The following IDE variants were observed in gnomAD, a reference collection of about 807,000 sequenced individuals.
IDE encodes insulin-degrading enzyme.
Under a neutral mutation model 133.2 loss-of-function variants are expected in IDE, and 58 were observed. The observed-to-expected ratio is 0.44, with a 90% CI of 0.35 to 0.54. The LOEUF is 0.54. Among genes scored for constraint, IDE ranks in the 20% least tolerant of loss-of-function variants. The probability of loss-of-function intolerance (pLI) is 0.00; values close to 1 mark genes in which losing one functional copy is unlikely to be tolerated. For missense variants in IDE, 981 were observed against 1,234.0 expected (o/e 0.79, Z 3.07); for synonymous variants, 396 against 421.3 (o/e 0.94, Z 0.73).
At chr10:92,526,152 C>CAAA (rs748661052) in intron 4 of IDE, among the ~76,000 whole-genome samples, 8 of 82,748 alleles carry the variant, frequency 9.7e-5, no homozygotes, top group African/African-American at 3.1e-4. Flanking sequence ...GACTCCGTCT[C>CAAA]AAAAAAAAAA....
intron 12 of IDE, among the ~76,000 whole-genome samples, chr10:92,488,633 C>T (rs182046855): frequency 2.0e-5 from 3 of 151,920 alleles, no homozygotes; most frequent in South Asian, 2.1e-4. Flanking sequence ...AAAAATTAGC[C>T]GGGTATGGTG....
At chr10:92,499,143 TAA>T (rs1177818573) in intron 11 of IDE, among the ~76,000 whole-genome samples, 1 of 152,176 alleles carries the variant, frequency 6.6e-6, no homozygotes, top group East Asian at 1.9e-4. Context: ...ATGTATCACT[TAA>T]GAGCGGTTTT....
intron 14 of IDE, among the ~76,000 whole-genome samples, chr10:92,481,113 C>T (rs1425325723): frequency 2.0e-5 from 3 of 152,126 alleles, no homozygotes; most frequent in Non-Finnish European, 2.9e-5. Context: ...ACTTAAGGCA[C>T]AATTCACAAA....
intron 1 of IDE, among the ~76,000 whole-genome samples, chr10:92,538,552 G>A (rs1270954774): frequency 6.6e-6 from 1 of 152,206 alleles, no homozygotes; most frequent in Non-Finnish European, 1.5e-5. Context: ...AATCTTAACA[G>A]AAATGTCAGA....
intron 1 of IDE, among the ~76,000 whole-genome samples, chr10:92,573,382 T>C (rs1191625930): frequency 1.3e-5 from 2 of 152,160 alleles, no homozygotes; most frequent in African/African-American, 4.8e-5. Context: ...CCCACACTCG[T>C]CTTCCAAGGC....
chr10:92,495,631 G>A (rs1045938627), intron 11 of IDE, among the ~76,000 whole-genome samples: 1 of 152,068 alleles, frequency 6.6e-6, no homozygotes, highest in Non-Finnish European at 1.5e-5. Flanking sequence ...GACTACAGGC[G>A]TGAGCCACCA....
At chr10:92,510,674 T>C (rs559673932) in intron 5 of IDE, among the ~76,000 whole-genome samples, 1 of 150,894 alleles carries the variant, frequency 6.6e-6, no homozygotes, top group South Asian at 2.1e-4. Context: ...ACATCTCACA[T>C]ATATGATATA....
At chr10:92,509,811 C>G (rs370320213) in intron 6 of IDE, among the ~76,000 whole-genome samples, 12 of 151,638 alleles carry the variant, frequency 7.9e-5, no homozygotes, top group East Asian at 5.8e-4. Flanking sequence ...GTCCCAACTA[C>G]TCAGAAGGCT....
chr10:92,515,560 CT>C (rs770666032), intron 4 of IDE, among the ~76,000 whole-genome samples: 19,261 of 106,634 alleles, frequency 0.18, 1,835 homozygotes, highest in East Asian at 0.5. Context: ...CGCACCCGGC[CT>C]TTTTTTTTTT....
chr10:92,549,731 T>C (rs1842695824), intron 1 of IDE, among the ~76,000 whole-genome samples: 1 of 151,794 alleles, frequency 6.6e-6, no homozygotes, highest in Non-Finnish European at 1.5e-5. Context: ...ATATATAATA[T>C]ATTCAATAAA....
In IDE at chr10:92,564,845, C is replaced by T. The variant is rs1372427080; in HGVS notation, c.98+9077G>A. ...GGCTAAGCAGAACGATCACTTGAGG[C>T]CAGGAGTTCAAGACCAACCTCTGCA... On this transcript the variant is annotated intron_variant, in intron 1 of 24. Transcript: ENST00000265986. Among the ~76,000 whole-genome samples the T allele has an allele frequency of 2.6e-5, 4 of 151,756 alleles. No individual in the cohort carries two copies. In the South Asian group the frequency reaches 6.2e-4, roughly 24 times the overall value.
At chr10:92,505,509 A>G (rs1848248437) in intron 10 of IDE, among the ~76,000 whole-genome samples, 1 of 152,214 alleles carries the variant, frequency 6.6e-6, no homozygotes, top group South Asian at 2.1e-4. Flanking sequence ...TCCACACACT[A>G]TGGATACAAA....
At chr10:92,473,975 C>T (rs1287215632) in intron 17 of IDE, among the ~76,000 whole-genome samples, 7 of 151,486 alleles carry the variant, frequency 4.6e-5, no homozygotes, top group Non-Finnish European at 8.8e-5. Flanking sequence ...GAGCAGACTC[C>T]GTCTTTAAAA....
intron 1 of IDE, among the ~76,000 whole-genome samples, chr10:92,570,486 A>G (rs1284169581): frequency 6.6e-6 from 1 of 152,202 alleles, no homozygotes; most frequent in East Asian, 1.9e-4. Flanking sequence ...AGAACCTAAC[A>G]TATCTATAGA....
chr10:92,488,658 T>C (rs1040722998), intron 12 of IDE, among the ~76,000 whole-genome samples: 2 of 151,738 alleles, frequency 1.3e-5, no homozygotes, highest in African/African-American at 2.4e-5. Context: ...GCACCTGTAA[T>C]CTCAGCTACT....
At chr10:92,547,976 C>T (rs536065248) in intron 1 of IDE, among the ~76,000 whole-genome samples, 5 of 152,252 alleles carry the variant, frequency 3.3e-5, no homozygotes, top group Admixed American at 3.3e-4. Context: ...AACTTGAACA[C>T]CCAGGCCCAA....
chr10:92,506,476 C>A lies in IDE; in HGVS notation c.1292G>T (p.Arg431Leu). The change falls in exon 10 of 25, where the codon CGG becomes CTG. Residue 431 changes from arginine (R) to leucine (L), a missense_variant. Transcript: ENST00000265986. Reference protein sequence around the residue: ...AFRFKDKERPRGYTSKIAGIL... With the variant: ...AFRFKDKERPLGYTSKIAGIL... ...TCCTGCAATCTTAGATGTATAGCCC[C>A]GTGGCCTCTCTTTGTCTTTAAACCT... The A allele has an allele frequency of 6.3e-7, 1 of 1,596,146 alleles. No individual in the cohort carries two copies. Among genetic ancestry groups the A allele is most frequent in the Non-Finnish European group, 8.6e-7 (1 of 1,165,280 alleles).
chr10:92,500,973 A>AGAG (rs1230554523), intron 11 of IDE, among the ~76,000 whole-genome samples: 2 of 150,608 alleles, frequency 1.3e-5, no homozygotes, highest in Non-Finnish European at 3.0e-5. Context: ...CCTGGGAGGC[A>AGAG]GAGGTTGCAG....
chr10:92,481,007 C>T, intron 14 of IDE: 1 of 475,852 alleles, frequency 2.1e-6, no homozygotes, highest in South Asian at 9.2e-5. Context: ...AAATATTCTC[C>T]AACTGGAAAA....
Sources: gnomAD v4.1 joint callset for allele counts (sites outside exome capture counted in the v4.1 genomes callset) on GRCh38, gnomAD v4.1.1 for gene constraint, MANE v1.5 for transcripts, NCBI Gene and HGNC (gene_info 2026-07-23, HGNC 2026-07-21) for gene names.